Variants in ERCC3 observed in about 807,000 individuals in gnomAD.
ERCC3 encodes the protein general transcription and DNA repair factor IIH helicase/translocase subunit XPB.
A neutral mutation model predicts 94.2 loss-of-function variants in ERCC3; 66 were observed. The ratio of observed to expected loss-of-function variants is 0.70; its 90% confidence interval spans 0.57 to 0.86. The LOEUF is 0.86. ERCC3 is among the 40% of genes least tolerant of loss of function. ERCC3 has a pLI of 0.00. For synonymous variants in ERCC3, 349 were observed against 369.1 expected (o/e 0.95, Z 0.63); for missense variants, 829 against 987.1 (o/e 0.84, Z 2.15).
rs1684995049 is a variant in ERCC3, at chr2:127,284,020, T to G, written c.1342+2683A>C. Among the ~76,000 whole-genome samples the G allele has an allele frequency of 6.6e-6, 1 of 152,232 alleles. No individual in the cohort carries two copies. On this transcript the variant is annotated intron_variant, in intron 8 of 14. Coordinates refer to ENST00000285398, the MANE Select transcript of ERCC3 (RefSeq NM_000122.2). This position sits in a 1 kb window ranked among gnomAD's most constrained non-coding sequence, Gnocchi z 4.1. ...TGAGAGTGTTCCCCATCTCAATTAATGCCCACTGTATCCTCCCTTTGTTCA... is the reference window on the plus strand; with the variant it reads ...TGAGAGTGTTCCCCATCTCAATTAAGGCCCACTGTATCCTCCCTTTGTTCA...
intron 8 of ERCC3, among the ~76,000 whole-genome samples, chr2:127,285,756 C>G (rs1276865131): frequency 6.6e-6 from 1 of 151,712 alleles, no homozygotes; most frequent in African/African-American, 2.4e-5. Context: ...GAGGCTGAGG[C>G]AGGGGAATCA....
At chr2:127,262,736 C>T (rs762502806) in intron 12 of ERCC3, 5 of 152,192 alleles carry the variant, frequency 3.3e-5, no homozygotes, top group Non-Finnish European at 7.3e-5. Context: ...GATAGTTGCA[C>T]AACTTTGTGA....
At chr2:127,272,813 C>A in intron 11 of ERCC3, 52 bp downstream of exon 11, 1 of 1,078,706 alleles carries the variant, frequency 9.3e-7, no homozygotes, top group African/African-American at 1.5e-5. Context: ...GTGTACCCCC[C>A]AGGTCCCCAG....
In ERCC3 at chr2:127,277,975, A is replaced by G. The variant is rs1684783820; in HGVS notation, c.1730+1198T>C. 1.3e-5 allele frequency among the ~76,000 whole-genome samples: 2 copies of G among 152,188 alleles called. No individual in the cohort carries two copies. Among genetic ancestry groups the G allele is most frequent in the African/African-American group, 4.8e-5 (2 of 41,450 alleles). On this transcript the variant is annotated intron_variant, in intron 10 of 14. Coordinates refer to ENST00000285398, the MANE Select transcript of ERCC3 (RefSeq NM_000122.2). The surrounding 1 kb of genome is among the most constrained non-coding windows in gnomAD (Gnocchi z 5.1). ...GAAGGCTGGCCAGGTGTGGTGGCTC[A>G]TGACTCTAATCCCAGCACTTTGGGA...
chr2:127,286,941 A>T lies in ERCC3; in HGVS notation c.1104T>A (p.Ala368=). The change falls in exon 8 of 15, where the codon GCT becomes GCA. Residue 368 remains alanine, a synonymous_variant. Coordinates refer to ENST00000285398, the MANE Select transcript of ERCC3 (RefSeq NM_000122.2). The stretch of plus-strand genomic sequence containing the variant: ...GGGCTTTCCACTGCTCCACAGAAAC[A>T]GCTGAGTTGCCCAGCACCAGACAGC... The part of the protein sequence containing the change: ...RKRCLVLGNS[A]VSVEQWKAQF... The T allele has an allele frequency of 6.2e-7, 1 of 1,614,200 alleles. No homozygotes were observed. The highest frequency in any genetic ancestry group is 8.5e-7 in the Non-Finnish European group (1 of 1,180,028).
intron 12 of ERCC3, among the ~76,000 whole-genome samples, chr2:127,266,706 A>ATT (rs1558949839): frequency 9.9e-5 from 13 of 130,716 alleles, no homozygotes; most frequent in African/African-American, 2.8e-4. Flanking sequence ...CACATGATCA[A>ATT]TTATTTTTTT....
At chr2:127,265,580 G>A (rs1684329859) in intron 12 of ERCC3, among the ~76,000 whole-genome samples, 3 of 151,856 alleles carry the variant, frequency 2.0e-5, no homozygotes, top group Admixed American at 6.6e-5. Context: ...CACCACATTC[G>A]ACTAATTTTT....
rs1176647407 is a variant in ERCC3, at chr2:127,258,536, G to A, written c.2217+760C>T. Among the ~76,000 whole-genome samples, 1 of 152,152 alleles carries A rather than the reference G, an allele frequency of 6.6e-6. No individual in the cohort carries two copies. The highest frequency in any genetic ancestry group is 1.5e-5 in the Non-Finnish European group (1 of 68,020). On this transcript the variant is annotated intron_variant, in intron 14 of 14. Transcript: ENST00000285398. This position sits in a 1 kb window ranked among gnomAD's most constrained non-coding sequence, Gnocchi z 4.1. ...GGTTCCCATGGAGAGTGCCCCCTGG[G>A]TCGGGGGAGGAAAGCCTTAGGCTGG...
chr2:127,259,918 T>C lies in ERCC3; in HGVS notation c.2065-470A>G, dbSNP rs965660484. On this transcript the variant is annotated intron_variant, in intron 13 of 14. Coordinates refer to ENST00000285398, the MANE Select transcript of ERCC3 (RefSeq NM_000122.2). This position sits in a 1 kb window ranked among gnomAD's most constrained non-coding sequence, Gnocchi z 4.9. ...ACGTGAAAATGAAAATGATAGGATA[T>C]CAGGAAGATTATTTATAGAGCTTCT... is the stretch of plus-strand genomic sequence containing the variant. The C allele has an allele frequency of 4.1e-6, 1 of 243,666 alleles. No individual in the cohort carries two copies. The highest frequency in any genetic ancestry group is 2.2e-5 in the African/African-American group (1 of 44,522). 15.1% of individuals were successfully genotyped at this position (243,666 alleles called of 1,614,324 possible).
In ERCC3 at chr2:127,290,525, A is replaced by C. The variant is rs929353643; in HGVS notation, c.472-252T>G. 51 of 553,072 alleles carry C rather than the reference A, an allele frequency of 9.2e-5. 1 individual carries two copies. The highest frequency in any genetic ancestry group is 1.0e-3 in the Middle Eastern group (2 of 1,966). 34.3% of individuals were successfully genotyped at this position (553,072 alleles called of 1,614,324 possible). On this transcript the variant is annotated intron_variant, in intron 3 of 14. Transcript: ENST00000285398. The stretch of plus-strand genomic sequence containing the variant: ...TCCATTAAGTTATAAAACGCTGCTT[A>C]AAATCTTGCATTCTGCCTTTCCTCT...
intron 12 of ERCC3, among the ~76,000 whole-genome samples, chr2:127,263,491 T>C (rs1172699401): frequency 1.3e-5 from 2 of 152,242 alleles, no homozygotes; most frequent in Admixed American, 1.3e-4. Flanking sequence ...GAAACTTTAC[T>C]CAAGTTGCCT....
chr2:127,290,410 TG>T, intron 3 of ERCC3, 137 bp from the exon 4 acceptor site: 1 of 751,578 alleles, frequency 1.3e-6, no homozygotes, highest in Non-Finnish European at 2.4e-6. Flanking sequence ...AATCCTAAAG[TG>T]GTCAGATGTG....
intron 12 of ERCC3, among the ~76,000 whole-genome samples, chr2:127,263,871 C>A (rs1684273687): frequency 1.3e-5 from 2 of 152,050 alleles, no homozygotes; most frequent in African/African-American, 4.8e-5. Flanking sequence ...CCACGCCCGG[C>A]TAATTTTTTG....
In ERCC3 at chr2:127,280,405, AG is replaced by A; in HGVS notation, c.1527+41del. ...ATCTGATCACTCCCCTGCCCATAGGAGGAGGCCCTTTCCCAGACGCCCCCAG... is the reference window on the plus strand; with the variant it reads ...ATCTGATCACTCCCCTGCCCATAGGAGAGGCCCTTTCCCAGACGCCCCCAG... On this transcript the variant is annotated intron_variant, in intron 9 of 14. Transcript: ENST00000285398. This position sits in a 1 kb window ranked among gnomAD's most constrained non-coding sequence, Gnocchi z 6.3. 1 of 1,564,280 alleles carries A rather than the reference AG, an allele frequency of 6.4e-7. No individual in the cohort carries two copies. The highest frequency in any genetic ancestry group is 8.7e-7 in the Non-Finnish European group (1 of 1,145,060).
rs1475755071 is a variant in ERCC3 at position 127,271,155 on chromosome 2, AC to A, written c.1945+180del. Among the ~76,000 whole-genome samples, 1 of 151,820 alleles carries A rather than the reference AC, an allele frequency of 6.6e-6. No homozygotes were observed. The highest frequency in any genetic ancestry group is 1.5e-5 in the Non-Finnish European group (1 of 67,972). ...TGTCATGGAAAACACCTGCATATTC[AC>A]CCCCAAGGTATGAGAAATAATGATG... On this transcript the variant is annotated intron_variant, in intron 12 of 14. Transcript: ENST00000285398. The surrounding 1 kb of genome is among the most constrained non-coding windows in gnomAD (Gnocchi z 5.0).
rs145859177 is a variant in ERCC3 at position 127,264,539 on chromosome 2, T to A, written c.1946-3193A>T. Among the ~76,000 whole-genome samples the A allele has an allele frequency of 7.4e-3, 1,133 of 152,336 alleles. 22 individuals are homozygous for A. Among genetic ancestry groups the A allele is most frequent in the Non-Finnish European group, 5.8e-3 (395 of 68,044 alleles). On this transcript the variant is annotated intron_variant, in intron 12 of 14. Transcript: ENST00000285398. This position sits in a 1 kb window ranked among gnomAD's most constrained non-coding sequence, Gnocchi z 4.4. ...TTTTCATTTTTAATTATGTGGTGAA[T>A]CATATTTATTGATTTCCACATGTTG...
Position 127,292,617 on chromosome 2 carries a change from A to C in ERCC3, c.464T>G (p.Phe155Cys). Residue 155 changes from phenylalanine (F) to cysteine (C), a missense_variant, in exon 3 of 15, where the codon TTT (phenylalanine) becomes TGT (cysteine). Physicochemically the swap from Phe to Cys is radical, Grantham distance 205. Transcript: ENST00000285398. The stretch of plus-strand genomic sequence containing the variant: ...GTCTCAGCTGTCACTTGCCTTAATA[A>C]ACTGCATAATTCCATCAGGGACTCC... ...KTGVPDGIMQ[F>C]IKLCTVSYGK... The C allele has an allele frequency of 1.2e-6, 2 of 1,608,440 alleles. No homozygotes were observed. The highest frequency in any genetic ancestry group is 1.7e-6 in the Non-Finnish European group (2 of 1,174,960).
At chr2:127,289,873 T>C in intron 4 of ERCC3, 49 bp from the exon 5 acceptor site, 7 of 1,603,634 alleles carry the variant, frequency 4.4e-6, no homozygotes, top group Non-Finnish European at 6.0e-6. Context: ...AGGTACCTCC[T>C]GGAGATTCCA....
chr2:127,261,865 C>T (rs145645769), intron 12 of ERCC3: 13 of 189,868 alleles, frequency 6.8e-5, no homozygotes, highest in African/African-American at 3.1e-4. Context: ...CTAGAACCCG[C>T]ATGCATTGCT....
Sources: gnomAD v4.1 joint callset for allele counts (sites outside exome capture counted in the v4.1 genomes callset) on GRCh38, gnomAD v4.1.1 for gene constraint, Gnocchi (gnomAD v3.1) non-coding constraint, MANE v1.5 for transcripts, NCBI Gene and HGNC (gene_info 2026-07-23, HGNC 2026-07-21) for gene names.